Variants in NOTCH1 observed in about 807,000 individuals in gnomAD.
NOTCH1 encodes notch receptor 1, also known as neurogenic locus notch homolog protein 1.
Under a neutral mutation model 254.8 loss-of-function variants are expected in NOTCH1, and 37 were observed. The observed-to-expected ratio is 0.15, with a 90% CI of 0.11 to 0.19. NOTCH1 has a LOEUF of 0.19. Ranked by LOEUF, NOTCH1 falls within the 10% of genes least tolerant of loss-of-function variation. NOTCH1 has a pLI of 1.00. For missense variants in NOTCH1, 2,972 were observed against 3,708.6 expected, an observed-to-expected ratio of 0.80 and a Z score of 5.16; for synonymous variants, 1,731 against 1,618.1, an observed-to-expected ratio of 1.07 and a Z score of -1.68.
At chr9:136,502,197 A>T in intron 28 of NOTCH1, 75 bp downstream of exon 28, 1 of 1,195,778 alleles carries the variant, frequency 8.4e-7, no homozygotes, top group Non-Finnish European at 1.2e-6. Flanking sequence ...CGGGAGGGGC[A>T]GACTCCCGGT....
At position 136,515,372 on chromosome 9, in the gene NOTCH1, G is replaced by A. The variant is rs1470256136; in HGVS notation, c.1932C>T (p.Asp644=). 1 of 1,613,030 alleles carries A rather than the reference G, an allele frequency of 6.2e-7. No homozygotes were observed. The highest frequency in any genetic ancestry group is 1.7e-5 in the Admixed American group (1 of 60,024). ...CCGAGTCGCAGGGGCTGCTGGCACA[G>A]TCATCCAGGTTGATCTCGCAGTTGG... The part of the protein sequence containing the change: ...TGPNCEINLD[D]CASSPCDSGT... The change falls in exon 12 of 34, where the codon GAC becomes GAT. Residue 644 remains aspartate (D), a synonymous_variant. Transcript: ENST00000651671.
At chr9:136,517,712 G>C (rs1843298442) in intron 8 of NOTCH1, 40 bp downstream of exon 8, 2 of 1,610,822 alleles carry the variant, frequency 1.2e-6, no homozygotes, top group Non-Finnish European at 1.7e-6. Flanking sequence ...AGGCTGCCCA[G>C]CCTCGACTCG....
At chr9:136,521,346 C>T (rs915123373) in intron 4 of NOTCH1, among the ~76,000 whole-genome samples, 3 of 152,196 alleles carry the variant, frequency 2.0e-5, no homozygotes, top group African/African-American at 7.2e-5. Context: ...CAGCCCCTCC[C>T]CTTCCCTCCC....
chr9:136,496,203 C>T lies in NOTCH1; in HGVS notation c.7536G>A (p.Pro2512=), dbSNP rs192299793. 230 of 1,609,428 alleles carry T rather than the reference C, an allele frequency of 1.4e-4. No individual in the cohort carries two copies. In the African/African-American group the frequency reaches 2.2e-3, roughly 15 times the overall value. ...LQVPEHPFLT[P]SPESPDQWSS... is the part of the protein sequence containing the mutation. ...ACCACTGGTCAGGGGACTCAGGGGA[C>T]GGGGTGAGGAAGGGGTGCTCAGGCA... Residue 2512 remains proline (P), a synonymous_variant, in exon 34 of 34, where the codon CCG becomes CCA. Coordinates refer to ENST00000651671, the MANE Select transcript of NOTCH1 (RefSeq NM_017617.5).
At chr9:136,505,241 C>T (rs1843062043) in intron 25 of NOTCH1, 69 bp downstream of exon 25, 10 of 1,534,912 alleles carry the variant, frequency 6.5e-6, no homozygotes, top group Non-Finnish European at 7.9e-6. Flanking sequence ...GCATGCTGGC[C>T]TCCGGGCCCA....
intron 15 of NOTCH1, 145 bp from the exon 16 acceptor site, chr9:136,511,416 T>G: frequency 9.6e-7 from 1 of 1,043,140 alleles, no homozygotes; most frequent in Non-Finnish European, 1.4e-6. Context: ...CCCTGAGCGC[T>G]CCCGGCTGTG....
At chr9:136,532,871 G>A (rs1227816520) in intron 2 of NOTCH1, among the ~76,000 whole-genome samples, 1 of 152,200 alleles carries the variant, frequency 6.6e-6, no homozygotes, top group Non-Finnish European at 1.5e-5. Flanking sequence ...GGGGTGGCCG[G>A]CCTGGACTGC....
intron 1 of NOTCH1, among the ~76,000 whole-genome samples, chr9:136,544,466 G>T (rs1214799624): frequency 6.6e-6 from 1 of 152,122 alleles, no homozygotes; most frequent in Non-Finnish European, 1.5e-5. Flanking sequence ...CCACCCTGGA[G>T]GCTCACTGAG....
chr9:136,538,821 A>G (rs968562920), intron 2 of NOTCH1, among the ~76,000 whole-genome samples: 7 of 152,202 alleles, frequency 4.6e-5, no homozygotes, highest in African/African-American at 1.7e-4. Context: ...CGGCGTCCTG[A>G]GTGTGGAGCT....
At chr9:136,514,182 C>T (rs968774803) in intron 13 of NOTCH1, among the ~76,000 whole-genome samples, 1 of 152,216 alleles carries the variant, frequency 6.6e-6, no homozygotes, top group African/African-American at 2.4e-5. Context: ...ATGGTCCCAT[C>T]CAGGCAGAGT....
rs11574911 is a variant in NOTCH1, at chr9:136,496,506, T to C, written c.7233A>G (p.Pro2411=). Reference sequence around the variant, plus strand: ...CAAGGTGCGGCTGTGGTGGTGGTGGTGGCGGCTGCAGGCTTTGCTGCTGCT... The same window carrying C: ...CAAGGTGCGGCTGTGGTGGTGGTGGCGGCGGCTGCAGGCTTTGCTGCTGCT... ...NIQQQQSLQP[P]PPPPQPHLGV... Residue 2411 remains proline, a synonymous_variant, in exon 34 of 34, where the codon CCA becomes CCG. Transcript: ENST00000651671. 5.6e-3 allele frequency: 8,915 copies of C among 1,602,606 alleles called. 334 individuals are homozygous for C. The African/African-American group carries it at 0.09, about 16-fold the overall frequency.
chr9:136,542,853 CCT>C (rs1843752350), intron 2 of NOTCH1: 1 of 152,284 alleles, frequency 6.6e-6, no homozygotes. Context: ...ACACCAAACA[CCT>C]CCTCATTATT....
chr9:136,515,774 C>G (rs1218077605), intron 10 of NOTCH1, 58 bp from the exon 11 acceptor site: 1 of 1,472,652 alleles, frequency 6.8e-7, no homozygotes, highest in African/African-American at 1.4e-5. Context: ...CCCGGGACAC[C>G]CATGACCAGA....
In NOTCH1 at chr9:136,508,882, G is replaced by A; in HGVS notation, c.3159C>T (p.Gly1053=). 6.5e-7 allele frequency: 1 copy of A among 1,546,144 alleles called. No homozygotes were observed. Among genetic ancestry groups the A allele is most frequent in the Non-Finnish European group, 8.7e-7 (1 of 1,145,196 alleles). Residue 1053 remains glycine (G), a synonymous_variant, in exon 19 of 34, where the codon GGC becomes GGT. Transcript: ENST00000651671. ...CCGGCGCACTCACCTGGCAGTTGGG[G>A]CCAGTGTAGCCCTGGGGGCAGGTGC... ...YRCTCPQGYT[G]PNCQNLVHWC...
intron 2 of NOTCH1, among the ~76,000 whole-genome samples, chr9:136,527,022 T>A (rs1243432026): frequency 6.6e-6 from 1 of 151,876 alleles, no homozygotes; most frequent in Non-Finnish European, 1.5e-5. Context: ...GGCTTGGAGG[T>A]TCCGTGAGAC....
chr9:136,520,318 C>T (rs1843346776), intron 4 of NOTCH1, among the ~76,000 whole-genome samples: 1 of 152,150 alleles, frequency 6.6e-6, no homozygotes, highest in South Asian at 2.1e-4. Context: ...CGGCCCCTCC[C>T]TCTGAGACAT....
chr9:136,517,458 G>T, intron 8 of NOTCH1, 73 bp from the exon 9 acceptor site: 1 of 1,097,882 alleles, frequency 9.1e-7, no homozygotes, highest in Non-Finnish European at 1.4e-6. Context: ...GTGGACTTGG[G>T]ACAGAAACGA....
chr9:136,524,751 C>T (rs1843433916), intron 2 of NOTCH1, among the ~76,000 whole-genome samples: 1 of 151,256 alleles, frequency 6.6e-6, no homozygotes, highest in South Asian at 2.1e-4. Context: ...GATTCTCCTG[C>T]CTCAGCCTCC....
rs1843319716 is a variant in NOTCH1, at chr9:136,518,765, C to T, written c.925G>A (p.Gly309Ser). 2.5e-6 allele frequency: 4 copies of T among 1,612,900 alleles called. No homozygotes were observed. The highest frequency in any genetic ancestry group is 1.6e-4 in the Middle Eastern group (1 of 6,062). ...CQLMPNACQNGGTCHNTHGGY... is the reference protein window; with the variant it reads ...CQLMPNACQNSGTCHNTHGGY... The stretch of plus-strand genomic sequence containing the variant: ...CCGTGGGTGTTGTGGCAGGTCCCGC[C>T]GTTCTGGCAGGCATTTGGCATCAGC... The change falls in exon 6 of 34, where the codon GGC becomes AGC. Residue 309 changes from glycine (G) to serine (S), a missense_variant. Around this residue, in one of 8 missense-constraint regions of NOTCH1, gnomAD observed 374 missense variants for 496.3 expected, o/e 0.75. Coordinates refer to ENST00000651671, the MANE Select transcript of NOTCH1 (RefSeq NM_017617.5).
Sources: allele counts gnomAD v4.1 joint callset (sites outside exome capture counted in the v4.1 genomes callset), GRCh38; gene constraint gnomAD v4.1.1; regional missense constraint gnomAD v4.1.1; transcripts MANE v1.5; gene names NCBI Gene and HGNC (gene_info 2026-07-23, HGNC 2026-07-21).